Variants in GMDS observed in about 807,000 individuals in gnomAD.
GMDS encodes the protein GDP-mannose 4,6 dehydratase.
In GMDS, 20 loss-of-function variants were observed where a neutral mutation model predicts 49.9. The observed-to-expected ratio is 0.40, with a 90% CI of 0.28 to 0.58. The LOEUF is 0.58. GMDS is among the 20% of genes least tolerant of loss of function. GMDS has a pLI of 0.42. For synonymous variants in GMDS, 177 were observed against 178.6 expected, an observed-to-expected ratio of 0.99 and a Z score of 0.07; for missense variants, 362 against 481.4, an observed-to-expected ratio of 0.75 and a Z score of 2.32.
chr6:1,631,741 C>G (rs1023951682), intron 9 of GMDS, among the ~76,000 whole-genome samples: 2 of 152,148 alleles, frequency 1.3e-5, no homozygotes, highest in South Asian at 2.1e-4. Context: ...CATATACCCA[C>G]AGGCTCCTCC....
chr6:1,912,487 T>C (rs933598644), intron 7 of GMDS, among the ~76,000 whole-genome samples: 3 of 152,156 alleles, frequency 2.0e-5, no homozygotes, highest in East Asian at 1.9e-4. Flanking sequence ...ACAGTAAAAT[T>C]TGAAAGCTTT....
intron 4 of GMDS, among the ~76,000 whole-genome samples, chr6:2,114,555 T>C (rs1356897859): frequency 2.0e-5 from 3 of 152,182 alleles, no homozygotes; most frequent in South Asian, 2.1e-4. Flanking sequence ...AAGACCCTGA[T>C]ACCTTTCACA....
At chr6:1,888,801 C>T (rs1294007349) in intron 7 of GMDS, among the ~76,000 whole-genome samples, 4 of 152,314 alleles carry the variant, frequency 2.6e-5, no homozygotes, top group Admixed American at 6.5e-5. Flanking sequence ...AGGGTACAGG[C>T]ATTGGGTAAA....
At chr6:2,158,861 C>T (rs911334683) in intron 1 of GMDS, among the ~76,000 whole-genome samples, 1 of 152,172 alleles carries the variant, frequency 6.6e-6, no homozygotes, top group East Asian at 1.9e-4. Flanking sequence ...TAATTCCTTA[C>T]GCTGCCAGAG....
intron 7 of GMDS, among the ~76,000 whole-genome samples, chr6:1,831,707 T>C (rs908774840): frequency 6.6e-6 from 1 of 152,182 alleles, no homozygotes; most frequent in Non-Finnish European, 1.5e-5. Context: ...GTAGGGATTA[T>C]TTATCTGAAG....
chr6:2,156,050 G>A (rs993979033), intron 1 of GMDS, among the ~76,000 whole-genome samples: 1 of 151,988 alleles, frequency 6.6e-6, no homozygotes, highest in South Asian at 2.1e-4. Context: ...TTCCAGGAAG[G>A]AAGAATAATT....
In GMDS at chr6:2,228,806, C is replaced by A. The variant is rs535851028; in HGVS notation, c.102+16515G>T. On this transcript the variant is annotated intron_variant, in intron 1 of 10. Transcript: ENST00000380815. ...CTCCCTTTTTGCCCCTGGAATTAGC[C>A]CCAATACCCCCCGTTGACAGCTTCA... Among the ~76,000 whole-genome samples the A allele has an allele frequency of 4.6e-5, 7 of 152,210 alleles. No homozygotes were observed. The South Asian group carries it at 1.5e-3, about 32-fold the overall frequency.
At chr6:1,654,973 A>G (rs1017204624) in intron 9 of GMDS, among the ~76,000 whole-genome samples, 8 of 151,542 alleles carry the variant, frequency 5.3e-5, no homozygotes, top group Non-Finnish European at 1.0e-4. Flanking sequence ...AGGCAGGAGA[A>G]TCACTTGAAC....
At chr6:2,026,217 C>G (rs545468314) in intron 4 of GMDS, among the ~76,000 whole-genome samples, 1 of 152,222 alleles carries the variant, frequency 6.6e-6, no homozygotes, top group East Asian at 1.9e-4. Flanking sequence ...CCATGTGGCT[C>G]GCTCTTTATC....
rs1391350268 is a variant in GMDS, at chr6:1,836,396, T to TTTC, written c.771+93704_771+93706dup. On this transcript the variant is annotated intron_variant, in intron 7 of 10. Transcript: ENST00000380815. The surrounding 1 kb of genome is among the most constrained non-coding windows in gnomAD (Gnocchi z 4.2). The stretch of plus-strand genomic sequence containing the variant: ...CATCAACTAAGCAACTGCTACGCTA[T>TTTC]TTCACTAAACTGAAAAAGGCATTTG... 2.0e-5 allele frequency among the ~76,000 whole-genome samples: 3 copies of TTTC among 152,242 alleles called. No individual in the cohort carries two copies. The highest frequency in any genetic ancestry group is 7.2e-5 in the African/African-American group (3 of 41,462).
At chr6:1,843,585 T>C (rs149464833) in intron 7 of GMDS, among the ~76,000 whole-genome samples, 1 of 152,116 alleles carries the variant, frequency 6.6e-6, no homozygotes, top group African/African-American at 2.4e-5. Context: ...CTGGGCAACA[T>C]GGCGAAACCT....
intron 2 of GMDS, among the ~76,000 whole-genome samples, chr6:2,124,384 AATTAACC>A (rs1775302932): frequency 3.9e-5 from 6 of 152,194 alleles, no homozygotes; most frequent in Admixed American, 3.9e-4. Context: ...TTACATCATA[AATTAACC>A]CGAATCATGT....
chr6:2,119,288 T>G (rs1386131408), intron 2 of GMDS, among the ~76,000 whole-genome samples: 1 of 152,176 alleles, frequency 6.6e-6, no homozygotes. Context: ...ATGATTTTGA[T>G]GCATTCCATC....
intron 7 of GMDS, among the ~76,000 whole-genome samples, chr6:1,809,838 T>C (rs570898558): frequency 1.3e-5 from 2 of 152,240 alleles, no homozygotes; most frequent in Non-Finnish European, 2.9e-5. Context: ...ACGCATGGAA[T>C]ATTTACGGTA....
At chr6:2,029,960 T>C (rs548688271) in intron 4 of GMDS, among the ~76,000 whole-genome samples, 2 of 152,250 alleles carry the variant, frequency 1.3e-5, no homozygotes, top group East Asian at 1.9e-4. Flanking sequence ...TCGGTCCTAG[T>C]CAAACCTCTA....
chr6:1,676,298 G>A (rs532069056), intron 9 of GMDS, among the ~76,000 whole-genome samples: 5 of 152,288 alleles, frequency 3.3e-5, no homozygotes, highest in Admixed American at 2.0e-4. Context: ...CAAACAAATG[G>A]AAGAACATTC....
At chr6:1,641,962 C>T (rs537605282) in intron 9 of GMDS, among the ~76,000 whole-genome samples, 26 of 152,148 alleles carry the variant, frequency 1.7e-4, no homozygotes, top group East Asian at 1.4e-3. Flanking sequence ...CTCAGAACCC[C>T]GAAGAAGGCC....
chr6:1,852,126 G>C (rs1757704263), intron 7 of GMDS, among the ~76,000 whole-genome samples: 1 of 152,206 alleles, frequency 6.6e-6, no homozygotes. Context: ...TTCCACAGTG[G>C]TCACTCCAAC....
At chr6:1,905,266 C>T (rs1001217424) in intron 7 of GMDS, among the ~76,000 whole-genome samples, 5 of 152,276 alleles carry the variant, frequency 3.3e-5, no homozygotes, top group Non-Finnish European at 5.9e-5. Flanking sequence ...AGAGGTGGGG[C>T]CTCAAAGGTG....
Sources: gnomAD v4.1 joint callset for allele counts (sites outside exome capture counted in the v4.1 genomes callset) on GRCh38, gnomAD v4.1.1 for gene constraint, Gnocchi (gnomAD v3.1) non-coding constraint, MANE v1.5 for transcripts, NCBI Gene and HGNC (gene_info 2026-07-23, HGNC 2026-07-21) for gene names.